Variants in NPM3 observed in about 807,000 individuals in gnomAD.
The protein encoded by NPM3 is nucleoplasmin-3.
In NPM3, 12 loss-of-function variants were observed where a neutral mutation model predicts 18.1. The ratio of observed to expected loss-of-function variants is 0.66; its 90% CI spans 0.42 to 1.07. The LOEUF is 1.07. Among genes scored for constraint, NPM3 ranks in the 50% least tolerant of loss-of-function variants. NPM3 has a pLI of 0.00. For synonymous variants in NPM3, 116 were observed against 93.7 expected, an observed-to-expected ratio of 1.24 and a Z score of -1.38; for missense variants, 274 against 232.1, an observed-to-expected ratio of 1.18 and a Z score of -1.17.
exon 3 of NPM3, chr10:101,782,543 G>C (rs369304032): frequency 1.9e-6 from 3 of 1,614,054 alleles, no homozygotes; most frequent in South Asian, 2.2e-5. Context: ...TCATGGTTCC[G>C]GGCCACAACT....
chr10:101,782,649 A>C, intron 2 of NPM3, 52 bp from the exon 3 acceptor site: 1 of 1,610,722 alleles, frequency 6.2e-7, no homozygotes, highest in Non-Finnish European at 8.5e-7. Flanking sequence ...GGTTGACACC[A>C]CAACTAAAGG....
At position 101,781,723 on chromosome 10, in the gene NPM3, T is replaced by C; in HGVS notation, c.*9+4A>G. 1 of 1,612,744 alleles carries C rather than the reference T, an allele frequency of 6.2e-7. No individual in the cohort carries two copies. Among genetic ancestry groups the C allele is most frequent in the Non-Finnish European group, 8.5e-7 (1 of 1,179,414 alleles). On this transcript the variant is annotated splice_donor_region_variant and intron_variant, in intron 5 of 5. Coordinates refer to ENST00000370110, the Ensembl canonical transcript of NPM3. ...CCTGCTAGGCACTTCTCCCCGCAAC[T>C]CACCTAGGAGGGCTAGGGCCTGCCC...
chr10:101,782,169 A>G, intron 4 of NPM3, 89 bp downstream of exon 4: 1 of 1,179,370 alleles, frequency 8.5e-7, no homozygotes, highest in Non-Finnish European at 1.2e-6. Context: ...CTGGGAGATG[A>G]GGGTGGGATG....
At chr10:101,783,330 C>T (rs2065158184) in exon 1 of NPM3, 10 of 1,613,120 alleles carry the variant, frequency 6.2e-6, no homozygotes, top group Non-Finnish European at 8.5e-6. Flanking sequence ...CCGACACCCC[C>T]GGCCCGCGTT....
At chr10:101,781,573 C>A in exon 6 of NPM3, 2 of 343,670 alleles carry the variant, frequency 5.8e-6, no homozygotes, top group African/African-American at 2.4e-5. Flanking sequence ...GAAATATTTA[C>A]AATTGTTGAA....
At chr10:101,781,983 G>A in intron 4 of NPM3, 129 bp from the exon 5 acceptor site, 1 of 1,495,052 alleles carries the variant, frequency 6.7e-7, no homozygotes, top group South Asian at 1.2e-5. Flanking sequence ...TGGGCTAGGT[G>A]GGAAGAACCT....
chr10:101,782,416 T>C, intron 3 of NPM3, 62 bp downstream of exon 3: 3 of 1,601,690 alleles, frequency 1.9e-6, no homozygotes, highest in Non-Finnish European at 2.6e-6. Context: ...TAATGAGTGC[T>C]AACGTCCTCA....
intron 1 of NPM3, 74 bp from the exon 2 acceptor site, chr10:101,782,998 G>T: frequency 1.4e-6 from 2 of 1,389,386 alleles, no homozygotes; most frequent in Non-Finnish European, 2.0e-6. Context: ...CCAACCCGCC[G>T]TCACGTGTAA....
At chr10:101,782,523 C>A in exon 3 of NPM3, 1 of 1,613,930 alleles carries the variant, frequency 6.2e-7, no homozygotes, top group Non-Finnish European at 8.5e-7. Flanking sequence ...GGACTGCGAT[C>A]TCCTGATGGT....
At chr10:101,783,194 G>T in intron 1 of NPM3, 79 bp downstream of exon 1, 1 of 1,150,030 alleles carries the variant, frequency 8.7e-7, no homozygotes, top group Non-Finnish European at 1.3e-6. Context: ...CCCACGCCTT[G>T]AAACCCTCCG....
chr10:101,781,900 C>T, intron 4 of NPM3, 46 bp from the exon 5 acceptor site: 2 of 1,613,906 alleles, frequency 1.2e-6, no homozygotes, highest in South Asian at 1.1e-5. Context: ...TAAGACCAGA[C>T]CGTTTCACAC....
chr10:101,781,575 A>G (rs2065141043), exon 6 of NPM3: 3 of 643,170 alleles, frequency 4.7e-6, no homozygotes, highest in Non-Finnish European at 7.9e-6. Flanking sequence ...AATATTTACA[A>G]TTGTTGAAAC....
At chr10:101,782,324 G>A in exon 4 of NPM3, 1 of 1,614,010 alleles carries the variant, frequency 6.2e-7, no homozygotes, top group Non-Finnish European at 8.5e-7. Flanking sequence ...GTTACAGGTG[G>A]TTGGAGCTGG....
At chr10:101,783,121 C>T (rs980332200) in intron 1 of NPM3, 152 bp downstream of exon 1, 31 of 797,538 alleles carry the variant, frequency 3.9e-5, no homozygotes, top group Middle Eastern at 2.6e-4. Flanking sequence ...CTCGCCACCC[C>T]CTTTGGCTGT....
At chr10:101,782,210 T>A in intron 4 of NPM3, 48 bp downstream of exon 4, 1 of 1,512,430 alleles carries the variant, frequency 6.6e-7, no homozygotes, top group Non-Finnish European at 9.1e-7. Context: ...GGAAGCCTGA[T>A]GGGAGAGTCC....
Position 101,782,087 on chromosome 10 carries a change from T to G in NPM3, c.418+171A>C, listed in dbSNP as rs377055858. ...GTTCCATGGAGGAGGTAGGCTTGAG[T>G]AGACGGAAAGGAGAGGGCATGTCAT... is the stretch of plus-strand genomic sequence containing the variant. On this transcript the variant is annotated intron_variant, in intron 4 of 5. Coordinates refer to ENST00000370110, the Ensembl canonical transcript of NPM3. 3.3e-5 allele frequency among the ~76,000 whole-genome samples: 5 copies of G among 151,960 alleles called. No individual in the cohort carries two copies. The South Asian group carries it at 1.0e-3, about 32-fold the overall frequency.
chr10:101,782,842 G>T, exon 2 of NPM3: 1 of 1,614,108 alleles, frequency 6.2e-7, no homozygotes, highest in Non-Finnish European at 8.5e-7. Context: ...CCCTCACCAT[G>T]GTTAGTGCCA....
intron 2 of NPM3, 68 bp from the exon 3 acceptor site, chr10:101,782,665 A>C (rs1589817767): frequency 6.2e-7 from 1 of 1,605,508 alleles, no homozygotes; most frequent in East Asian, 2.2e-5. Flanking sequence ...AAAGGCATCT[A>C]CCCTAGCACC....
At chr10:101,782,670 A>G (rs1425588684) in intron 2 of NPM3, 73 bp from the exon 3 acceptor site, 24 of 1,605,442 alleles carry the variant, frequency 1.5e-5, no homozygotes, top group East Asian at 2.2e-5. Flanking sequence ...CATCTACCCT[A>G]GCACCTGCCC....
Sources: gnomAD v4.1 joint callset for allele counts (sites outside exome capture counted in the v4.1 genomes callset) on GRCh38, gnomAD v4.1.1 for gene constraint, MANE v1.5 for transcripts, NCBI Gene and HGNC (gene_info 2026-07-23, HGNC 2026-07-21) for gene names.